Variants in TLE1 observed in about 807,000 individuals in gnomAD.
TLE1 encodes TLE family member 1, transcriptional corepressor.
Under a neutral mutation model 89.8 loss-of-function variants are expected in TLE1, and 21 were observed. The observed-to-expected ratio is 0.23, with a 90% CI of 0.17 to 0.34. The LOEUF (loss-of-function observed/expected upper bound fraction) is 0.34. TLE1 is among the 10% of genes least tolerant of loss of function. TLE1 has a pLI of 1.00. For missense variants in TLE1, 795 were observed against 1,031.2 expected (o/e 0.77, Z 3.14); for synonymous variants, 447 against 407.6 (o/e 1.10, Z -1.16).
chr9:81,585,512 A>G lies in TLE1; in HGVS notation c.2121T>C (p.Ala707=). 6.2e-7 allele frequency: 1 copy of G among 1,613,484 alleles called. No individual in the cohort carries two copies. The highest frequency in any genetic ancestry group is 8.5e-7 in the Non-Finnish European group (1 of 1,179,826). The change falls in exon 18 of 20, where the codon GCT becomes GCC. Residue 707 remains alanine, a synonymous_variant. Coordinates refer to ENST00000376499, the MANE Select transcript of TLE1 (RefSeq NM_005077.5). ...CCTTTCGGCTGAACTCACCACAGTA[A>G]GCAAATTTCAGGGACAGCACGCAGC... ...HESCVLSLKF[A]YCGKWFVSTG...
intron 6 of TLE1, among the ~76,000 whole-genome samples, chr9:81,639,399 A>G (rs1168660973): frequency 6.6e-6 from 1 of 152,164 alleles, no homozygotes; most frequent in African/African-American, 2.4e-5. Flanking sequence ...CCTGCCCGTC[A>G]TTTGGAAAAC....
At chr9:81,641,473 A>C (rs1828108606) in intron 6 of TLE1, among the ~76,000 whole-genome samples, 1 of 152,246 alleles carries the variant, frequency 6.6e-6, no homozygotes, top group Admixed American at 6.5e-5. Context: ...ATCTCAATGC[A>C]GGAGCACACA....
intron 4 of TLE1, among the ~76,000 whole-genome samples, chr9:81,675,155 G>C (rs1832719684): frequency 6.6e-6 from 1 of 152,094 alleles, no homozygotes; most frequent in African/African-American, 2.4e-5. Flanking sequence ...GGGGAAGGAG[G>C]AGCCTATGGA....
rs61458315 is a variant in TLE1, at chr9:81,675,708, G to GTTTTTTTTTTTTTTTTTTTTTTTTTT, written c.234+9967_234+9968insAAAAAAAAAAAAAAAAAAAAAAAAAA. On this transcript the variant is annotated intron_variant, in intron 4 of 19. Coordinates refer to ENST00000376499, the MANE Select transcript of TLE1 (RefSeq NM_005077.5). ...TAAGGACTCACACTAGTTTTTTTTTGTTTTTTTTTTTGAGACGGAGTCTCG... is the reference window on the plus strand; with the variant it reads ...TAAGGACTCACACTAGTTTTTTTTTGTTTTTTTTTTTTTTTTTTTTTTTTTTTTTTTTTTTTTGAGACGGAGTCTCG... 6.8e-5 allele frequency among the ~76,000 whole-genome samples: 9 copies of GTTTTTTTTTTTTTTTTTTTTTTTTTT among 132,440 alleles called. 1 individual carries two copies. Among genetic ancestry groups the GTTTTTTTTTTTTTTTTTTTTTTTTTT allele is most frequent in the African/African-American group, 1.8e-4 (6 of 33,138 alleles). The allele number at this position is 132,440 out of a possible 152,430, so 86.9% of individuals were successfully genotyped here.
intron 4 of TLE1, among the ~76,000 whole-genome samples, chr9:81,660,456 C>T (rs1402775102): frequency 6.6e-6 from 1 of 151,836 alleles, no homozygotes; most frequent in Non-Finnish European, 1.5e-5. Context: ...TTCTGTCGCC[C>T]AAGCTGGAGA....
At chr9:81,651,523 T>C (rs1353880020) in intron 6 of TLE1, among the ~76,000 whole-genome samples, 1 of 152,176 alleles carries the variant, frequency 6.6e-6, no homozygotes. Flanking sequence ...TTAACAATTC[T>C]TCCATGGCAA....
intron 6 of TLE1, among the ~76,000 whole-genome samples, chr9:81,646,042 T>C (rs1828819134): frequency 6.6e-6 from 1 of 152,196 alleles, no homozygotes; most frequent in Non-Finnish European, 1.5e-5. Flanking sequence ...TGTGGGTGGG[T>C]TGATAGGTGC....
chr9:81,592,957 A>G, intron 15 of TLE1, 68 bp downstream of exon 15: 1 of 1,558,036 alleles, frequency 6.4e-7, no homozygotes, highest in Non-Finnish European at 8.7e-7. Flanking sequence ...ACCCAGGCCC[A>G]CACAGCTATT....
Position 81,584,513 on chromosome 9 carries a change from C to A in TLE1, c.2140G>T (p.Val714Leu). Residue 714 changes from valine (V) to leucine (L), a missense_variant, in exon 19 of 20, where the codon GTG (valine) becomes TTG (leucine). Around this residue, in one of 4 missense-constraint regions of TLE1, gnomAD observed 214 missense variants for 354.9 expected, o/e 0.60. Transcript: ENST00000376499. ...AGGAGGTTATCTTTTCCAGTACTCA[C>A]AAACCATTTACCTAGAATTAGCAAA... ...LKFAYCGKWF[V>L]STGKDNLLNA... 6.2e-7 allele frequency: 1 copy of A among 1,614,166 alleles called. No individual in the cohort carries two copies. The highest frequency in any genetic ancestry group is 8.5e-7 in the Non-Finnish European group (1 of 1,180,028).
intron 8 of TLE1, among the ~76,000 whole-genome samples, chr9:81,631,599 ATATATGG>A (rs765322991): frequency 6.3e-4 from 96 of 152,356 alleles, no homozygotes; most frequent in Non-Finnish European, 1.2e-3. Context: ...AATGCCTTAC[ATATATGG>A]TATGCACTCA....
At chr9:81,612,267 C>A in intron 12 of TLE1, 1 of 1,106,046 alleles carries the variant, frequency 9.0e-7, no homozygotes, top group Non-Finnish European at 1.1e-6. Flanking sequence ...GAGGGCAAAC[C>A]AAGGCACAGG....
At chr9:81,588,880 A>G (rs1829026155) in intron 16 of TLE1, among the ~76,000 whole-genome samples, 1 of 152,198 alleles carries the variant, frequency 6.6e-6, no homozygotes, top group Non-Finnish European at 1.5e-5. Context: ...ACACCTTATC[A>G]TTCCTGTAGA....
chr9:81,663,148 T>A (rs986291645), intron 4 of TLE1, among the ~76,000 whole-genome samples: 3 of 152,060 alleles, frequency 2.0e-5, no homozygotes, highest in Non-Finnish European at 4.4e-5. Context: ...ACCTGACCAA[T>A]TTACTGTTTA....
intron 7 of TLE1, 75 bp downstream of exon 7, chr9:81,634,022 T>C (rs746623029): frequency 4.5e-5 from 67 of 1,475,694 alleles, no homozygotes; most frequent in Non-Finnish European, 5.8e-5. Flanking sequence ...GGGCTCTCTT[T>C]AGCGATGCAC....
At position 81,615,885 on chromosome 9, in the gene TLE1, A is replaced by G. The variant is rs1364019280; in HGVS notation, c.918+97T>C. The G allele has an allele frequency of 9.5e-6, 14 of 1,477,916 alleles. No homozygotes were observed. The Admixed American group carries it at 2.2e-4, about 24-fold the overall frequency. 91.6% of individuals were successfully genotyped at this position (1,477,916 alleles called of 1,614,324 possible). A position where few individuals can be genotyped will look rare whatever the true frequency, so the allele number is the denominator to read the frequency against. On this transcript the variant is annotated intron_variant, in intron 11 of 19. Coordinates refer to ENST00000376499, the MANE Select transcript of TLE1 (RefSeq NM_005077.5). ...TAAACTCTTAAAAATACAACCCTCA[A>G]GCAGCAAAACCCCCACATTTCCAAT...
rs149612113 is a variant in TLE1, at chr9:81,634,116, G to A, written c.558C>T (p.His186=). The A allele has an allele frequency of 7.7e-4, 1,232 of 1,609,172 alleles. 1 individual carries two copies. Among genetic ancestry groups the A allele is most frequent in the Middle Eastern group, 2.5e-3 (15 of 6,054 alleles). ...HLAIKDDKKH[H]DAEHHRDREP... is the part of the protein sequence containing the mutation. ...TCTCACCTCTGTGGTGCTCTGCATC[G>A]TGGTGCTTCTTGTCATCTTTTATTG... Residue 186 remains histidine, a synonymous_variant, in exon 7 of 20, where the codon CAC becomes CAT. Coordinates refer to ENST00000376499, the MANE Select transcript of TLE1 (RefSeq NM_005077.5).
At chr9:81,684,486 A>G (rs1320606166) in intron 4 of TLE1, among the ~76,000 whole-genome samples, 2 of 152,238 alleles carry the variant, frequency 1.3e-5, no homozygotes, top group African/African-American at 4.8e-5. Flanking sequence ...ATCTATGATG[A>G]ATTAAAAATC....
intron 8 of TLE1, among the ~76,000 whole-genome samples, chr9:81,621,782 G>A (rs993842389): frequency 2.0e-5 from 3 of 152,120 alleles, no homozygotes; most frequent in Admixed American, 2.0e-4. Flanking sequence ...GTTGTCTCCA[G>A]CTCAACCATA....
At chr9:81,663,191 G>A (rs982581576) in intron 4 of TLE1, among the ~76,000 whole-genome samples, 15 of 152,214 alleles carry the variant, frequency 9.9e-5, no homozygotes, top group African/African-American at 3.1e-4. Flanking sequence ...GGAGATAAGC[G>A]CCGTCAGGCT....
Sources: allele counts gnomAD v4.1 joint callset (sites outside exome capture counted in the v4.1 genomes callset), GRCh38; gene constraint gnomAD v4.1.1; regional missense constraint gnomAD v4.1.1; transcripts MANE v1.5; gene names NCBI Gene and HGNC (gene_info 2026-07-23, HGNC 2026-07-21).